The following DNAH17 variants were observed in gnomAD, a reference collection of about 807,000 sequenced individuals.
DNAH17 encodes axonemal beta dynein heavy chain 17.
Under a neutral mutation model 485.6 loss-of-function variants are expected in DNAH17, and 376 were observed. The observed-to-expected ratio is 0.77, with a 90% CI of 0.71 to 0.84. DNAH17 has a LOEUF of 0.84. DNAH17 is among the 40% of genes least tolerant of loss of function. DNAH17 has a pLI of 0.00. For synonymous variants in DNAH17, 3,031 were observed against 2,405.9 expected, an observed-to-expected ratio of 1.26 and a Z score of -7.60; for missense variants, 6,370 against 5,839.3, an observed-to-expected ratio of 1.09 and a Z score of -2.96.
At chr17:78,539,580 T>C (rs930168170) in intron 18 of DNAH17, among the ~76,000 whole-genome samples, 157 bp downstream of exon 18, 1 of 152,216 alleles carries the variant, frequency 6.6e-6, no homozygotes, top group Non-Finnish European at 1.5e-5. Flanking sequence ...AATGCAGGAC[T>C]TCCAGGTTTA....
chr17:78,516,261 G>GAC (rs2090776082), intron 25 of DNAH17, among the ~76,000 whole-genome samples: 1 of 152,184 alleles, frequency 6.6e-6, no homozygotes, highest in East Asian at 1.9e-4. Context: ...GAATTATCCT[G>GAC]ACTGCAAATG....
At chr17:78,491,695 G>A (rs2089865384) in intron 42 of DNAH17, 125 bp from the exon 43 acceptor site, 1 of 1,417,820 alleles carries the variant, frequency 7.1e-7, no homozygotes, top group South Asian at 1.5e-5. Flanking sequence ...GAACAGCAGA[G>A]GCCCTCGGGC....
Position 78,526,706 on chromosome 17 carries a change from C to A in DNAH17, c.3656G>T (p.Arg1219Met). Reference protein sequence around the residue: ...LKQHEFRERFRREAPFSFSDP... With the variant: ...LKQHEFRERFMREAPFSFSDP... ...GCTGAAGGAGAACGGGGCCTCGCGCCTGAACCTCTCCCTGAACTCATGTTG... is the reference window on the plus strand; with the variant it reads ...GCTGAAGGAGAACGGGGCCTCGCGCATGAACCTCTCCCTGAACTCATGTTG... Residue 1219 changes from arginine to methionine, a missense_variant, in exon 24 of 81, where the codon AGG (arginine) becomes ATG (methionine). Physicochemically the swap from Arg to Met is moderately conservative, Grantham distance 91. Coordinates refer to ENST00000389840, the MANE Select transcript of DNAH17 (RefSeq NM_173628.4). 1.2e-6 allele frequency: 2 copies of A among 1,610,876 alleles called. No individual in the cohort carries two copies. Among genetic ancestry groups the A allele is most frequent in the Non-Finnish European group, 8.5e-7 (1 of 1,177,672 alleles).
rs1179794859 is a variant in DNAH17 at position 78,486,081 on chromosome 17, G to A, written c.7154C>T (p.Thr2385Ile). The change falls in exon 46 of 81, where the codon ACT becomes ATT. Residue 2385 changes from threonine (T) to isoleucine (I), a missense_variant. Thr to Ile is a moderately conservative substitution (Grantham distance 89). Transcript: ENST00000389840. ...CGTTCCCTGCGAGGGGAACTTGATA[G>A]TCTTGAATTCGTTGATCCACCATTT... ...FSKWWINEFK[T>I]IKFPSQGTIF... 4 of 1,613,970 alleles carry A rather than the reference G, an allele frequency of 2.5e-6. No homozygotes were observed. The highest frequency in any genetic ancestry group is 3.4e-6 in the Non-Finnish European group (4 of 1,179,886).
At position 78,476,718 on chromosome 17, in the gene DNAH17, TG is replaced by T; in HGVS notation, c.8007del (p.Thr2670GlnfsTer5). ...AGTGGGGTTTTCAGAACTTCTGCTG[TG>T]GAAAATAAGAGTCCCTGCCCCAAAC... is the stretch of plus-strand genomic sequence containing the variant. ...LSNIFQGLLF[S>X]TAEVLKTPLD... On this transcript the variant is annotated frameshift_variant, in exon 52 of 81. Transcript: ENST00000389840. LOFTEE classifies it high-confidence loss of function. The T allele has an allele frequency of 6.2e-7, 1 of 1,612,396 alleles. No individual in the cohort carries two copies. The highest frequency in any genetic ancestry group is 8.5e-7 in the Non-Finnish European group (1 of 1,179,252).
chr17:78,466,587 G>A (rs2088469609), intron 56 of DNAH17, 68 bp downstream of exon 56: 2 of 1,445,680 alleles, frequency 1.4e-6, no homozygotes, highest in Non-Finnish European at 1.8e-6. Context: ...CTCCCAGGGA[G>A]CCAGCCCTTG....
Position 78,479,347 on chromosome 17 carries a change from T to C in DNAH17, c.7900+138A>G, listed in dbSNP as rs1261424960. On this transcript the variant is annotated intron_variant, in intron 50 of 80. Transcript: ENST00000389840. ...CAATTGTATTTCACAATTTCTCCTGTCGAAACATAGCATCGTTTTTAAGAT... is the reference window on the plus strand; with the variant it reads ...CAATTGTATTTCACAATTTCTCCTGCCGAAACATAGCATCGTTTTTAAGAT... 4.9e-6 allele frequency: 6 copies of C among 1,229,176 alleles called. No individual in the cohort carries two copies. The East Asian group carries it at 1.3e-4, about 27-fold the overall frequency. The allele number at this position is 1,229,176 out of a possible 1,614,324, so 76.1% of individuals were successfully genotyped here.
chr17:78,488,638 G>A (rs1335932761), intron 44 of DNAH17, among the ~76,000 whole-genome samples: 1 of 152,162 alleles, frequency 6.6e-6, no homozygotes, highest in Admixed American at 6.5e-5. Flanking sequence ...TGGGTAGGAT[G>A]GTGGTGCTAC....
At chr17:78,531,206 A>G (rs2091226838) in intron 20 of DNAH17, among the ~76,000 whole-genome samples, 1 of 152,024 alleles carries the variant, frequency 6.6e-6, no homozygotes, top group Admixed American at 6.5e-5. Flanking sequence ...TGTTTGCTTT[A>G]TATATCTGGG....
rs149903442 is a variant in DNAH17, at chr17:78,431,874, T to G, written c.12225+2155A>C. The stretch of plus-strand genomic sequence containing the variant: ...AATGGGCAACGGCTAAGGAAATGTC[T>G]TAAAAATCCTAACCTGGCCAGGTGC... On this transcript the variant is annotated intron_variant, in intron 75 of 80. Coordinates refer to ENST00000389840, the MANE Select transcript of DNAH17 (RefSeq NM_173628.4). Among the ~76,000 whole-genome samples the G allele has an allele frequency of 4.2e-4, 64 of 152,188 alleles. No homozygotes were observed. The East Asian group carries it at 0.012, about 28-fold the overall frequency.
chr17:78,502,315 T>A (rs2090325383), intron 33 of DNAH17: 1 of 358,994 alleles, frequency 2.8e-6, no homozygotes, highest in Non-Finnish European at 5.1e-6. Flanking sequence ...AAGGACATTT[T>A]TTTTTTAAAG....
intron 16 of DNAH17, among the ~76,000 whole-genome samples, chr17:78,550,228 GCA>G (rs2091868561): frequency 6.6e-6 from 1 of 152,224 alleles, no homozygotes; most frequent in African/African-American, 2.4e-5. Context: ...ACACAAGGAG[GCA>G]CACGTCTGGA....
At chr17:78,535,115 A>G (rs1057015750) in intron 19 of DNAH17, among the ~76,000 whole-genome samples, 1 of 152,126 alleles carries the variant, frequency 6.6e-6, no homozygotes, top group African/African-American at 2.4e-5. Context: ...GGTGTCTGCA[A>G]GGCAGCCTGA....
intron 77 of DNAH17, 166 bp downstream of exon 77, chr17:78,428,359 C>G: frequency 1.2e-6 from 1 of 815,324 alleles, no homozygotes; most frequent in Non-Finnish European, 2.0e-6. Context: ...ACCTGCTGAC[C>G]AGCCTGCGGG....
In DNAH17 at chr17:78,475,297, T is replaced by C. The variant is rs1216413638; in HGVS notation, c.8492A>G (p.Tyr2831Cys). The change falls in exon 54 of 81, where the codon TAC becomes TGC. Residue 2831 changes from tyrosine to cysteine, a missense_variant. Transcript: ENST00000389840. The part of the protein sequence containing the change: ...DVFQITLKKG[Y>C]GIPDLKIDLA... ...TCTCACCTTGAGGTCGGGGATCCCG[T>C]AGCCCTTCTTGAGGGTGATCTGAAA... is the stretch of plus-strand genomic sequence containing the variant. 6.2e-7 allele frequency: 1 copy of C among 1,613,898 alleles called. No individual in the cohort carries two copies. The highest frequency in any genetic ancestry group is 1.7e-5 in the Admixed American group (1 of 60,006).
chr17:78,548,202 CTTT>C (rs34701814), intron 16 of DNAH17, among the ~76,000 whole-genome samples: 62 of 80,104 alleles, frequency 7.7e-4, no homozygotes, highest in African/African-American at 2.9e-3. Context: ...ATGTCATGGC[CTTT>C]TTTTTTTTTT....
At chr17:78,539,259 G>A (rs2091459267) in intron 18 of DNAH17, among the ~76,000 whole-genome samples, 1 of 152,048 alleles carries the variant, frequency 6.6e-6, no homozygotes, top group African/African-American at 2.4e-5. Context: ...ATAAAAAGAA[G>A]ATACAGGTAG....
intron 72 of DNAH17, among the ~76,000 whole-genome samples, chr17:78,440,301 G>T (rs2087024033): frequency 7.4e-6 from 1 of 134,350 alleles, no homozygotes. Context: ...CGGTCGCCCA[G>T]GCTGGAGTGA....
chr17:78,558,297 G>A (rs746043893), intron 13 of DNAH17, 43 bp from the exon 14 acceptor site: 2 of 1,604,278 alleles, frequency 1.2e-6, no homozygotes, highest in Non-Finnish European at 1.7e-6. Context: ...AGCAGGTCAG[G>A]TCAACAGTGC....
Sources: gnomAD v4.1 joint callset for allele counts (sites outside exome capture counted in the v4.1 genomes callset) on GRCh38, gnomAD v4.1.1 for gene constraint, MANE v1.5 for transcripts, NCBI Gene and HGNC (gene_info 2026-07-23, HGNC 2026-07-21) for gene names.